Variants in CSMD1 observed in about 807,000 individuals in gnomAD.
CSMD1 encodes CUB and Sushi multiple domains 1, also known as CUB and sushi domain-containing protein 1.
A neutral mutation model predicts 417.5 loss-of-function variants in CSMD1; 213 were observed. The observed-to-expected ratio is 0.51, with a 90% CI of 0.46 to 0.57. CSMD1 has a LOEUF of 0.57. Ranked by LOEUF, CSMD1 falls within the 20% of genes least tolerant of loss-of-function variation. CSMD1 has a pLI of 0.00. For missense variants in CSMD1, 6,923 were observed against 4,529.7 expected (o/e 1.53, Z -15.17); for synonymous variants, 2,862 against 1,736.8 (o/e 1.65, Z -16.11).
intron 3 of CSMD1, among the ~76,000 whole-genome samples, chr8:4,378,450 C>T (rs996142663): frequency 2.0e-5 from 3 of 152,162 alleles, no homozygotes; most frequent in African/African-American, 7.2e-5. Context: ...AAAAATTATT[C>T]TCTGTCTAGC....
chr8:3,714,638 G>A (rs926934310), intron 6 of CSMD1, among the ~76,000 whole-genome samples: 1 of 150,154 alleles, frequency 6.7e-6, no homozygotes, highest in African/African-American at 2.5e-5. Context: ...TTGGGAGGCT[G>A]AGGAACTAGA....
At chr8:3,730,536 C>T (rs948669233) in intron 6 of CSMD1, among the ~76,000 whole-genome samples, 10 of 151,984 alleles carry the variant, frequency 6.6e-5, no homozygotes, top group African/African-American at 9.7e-5. Flanking sequence ...GGGATCACAG[C>T]GAGGAGAGGA....
chr8:3,249,262 C>A (rs966371285), intron 26 of CSMD1, among the ~76,000 whole-genome samples: 1 of 152,116 alleles, frequency 6.6e-6, no homozygotes, highest in African/African-American at 2.4e-5. Context: ...CACTCTGTTG[C>A]CCAGTCTGGA....
At chr8:4,785,867 A>G (rs1414754307) in intron 1 of CSMD1, among the ~76,000 whole-genome samples, 1 of 152,140 alleles carries the variant, frequency 6.6e-6, no homozygotes, top group Non-Finnish European at 1.5e-5. Flanking sequence ...TGATCCTAAG[A>G]CACAACGGGG....
At chr8:4,720,957 G>T (rs1676976) in intron 1 of CSMD1, among the ~76,000 whole-genome samples, 2 of 152,122 alleles carry the variant, frequency 1.3e-5, no homozygotes, top group East Asian at 1.9e-4. Flanking sequence ...TCTTAAGCTT[G>T]CCCTGCCTAC....
intron 3 of CSMD1, among the ~76,000 whole-genome samples, chr8:4,180,802 A>G (rs1700118): frequency 1 from 152,009 of 152,170 alleles, 75,924 homozygotes; most frequent in East Asian, 1. Flanking sequence ...TCTTTGGTAC[A>G]AGAGTTCACA....
rs181716927 is a variant in CSMD1 at position 4,146,363 on chromosome 8, C to A, written c.416-114264G>T. The stretch of plus-strand genomic sequence containing the variant: ...TTCATTCTGATAAGCTTCAGCCCAA[C>A]ATCGACTTGCAGAGCTGGCAATTCG... On this transcript the variant is annotated intron_variant, in intron 3 of 69. Transcript: ENST00000635120. Among the ~76,000 whole-genome samples the A allele has an allele frequency of 3.3e-3, 497 of 150,712 alleles. 9 individuals carry two copies. The highest frequency in any genetic ancestry group is 1.5e-3 in the Non-Finnish European group (104 of 68,028).
intron 5 of CSMD1, among the ~76,000 whole-genome samples, chr8:3,975,558 G>A (rs140598628): frequency 4.6e-5 from 7 of 152,232 alleles, no homozygotes; most frequent in East Asian, 1.9e-4. Context: ...TCGGGATGAC[G>A]GGCAGCGCTT....
At chr8:4,742,221 G>A (rs1399930671) in intron 1 of CSMD1, among the ~76,000 whole-genome samples, 3 of 150,380 alleles carry the variant, frequency 2.0e-5, no homozygotes, top group Non-Finnish European at 3.0e-5. Context: ...TAGTAGAGAC[G>A]GGGTTTCACC....
chr8:4,095,295 C>G (rs530420551), intron 3 of CSMD1, among the ~76,000 whole-genome samples: 44 of 152,070 alleles, frequency 2.9e-4, no homozygotes, highest in Non-Finnish European at 5.9e-4. Context: ...CCTTTAATAT[C>G]AATTCTGTTA....
intron 3 of CSMD1, among the ~76,000 whole-genome samples, chr8:4,149,710 C>T (rs1026336300): frequency 2.0e-5 from 3 of 152,170 alleles, no homozygotes; most frequent in African/African-American, 7.2e-5. Context: ...TGCTGAGCTC[C>T]AACAGAAACA....
At chr8:4,153,251 A>C (rs1283877463) in intron 3 of CSMD1, among the ~76,000 whole-genome samples, 1 of 152,184 alleles carries the variant, frequency 6.6e-6, no homozygotes, top group Non-Finnish European at 1.5e-5. Flanking sequence ...GCCAGAAATG[A>C]TACATACGGC....
intron 3 of CSMD1, among the ~76,000 whole-genome samples, chr8:4,059,504 G>A (rs2680618): frequency 1.3e-5 from 2 of 148,304 alleles, no homozygotes; most frequent in East Asian, 4.0e-4. Flanking sequence ...GAATCCAGGA[G>A]CTGGTTTTTT....
chr8:4,124,018 A>T (rs1184700200), intron 3 of CSMD1, among the ~76,000 whole-genome samples: 4 of 152,144 alleles, frequency 2.6e-5, no homozygotes, highest in Admixed American at 1.3e-4. Flanking sequence ...GGATTATCTA[A>T]CTTTTTTTTT....
At chr8:4,371,710 G>C (rs1802405888) in intron 3 of CSMD1, among the ~76,000 whole-genome samples, 1 of 152,058 alleles carries the variant, frequency 6.6e-6, no homozygotes, top group Admixed American at 6.6e-5. Context: ...TCATTACTTT[G>C]TATGTATGTA....
At chr8:3,956,259 A>G (rs1358764600) in intron 5 of CSMD1, among the ~76,000 whole-genome samples, 3 of 152,218 alleles carry the variant, frequency 2.0e-5, no homozygotes, top group Non-Finnish European at 4.4e-5. Flanking sequence ...AAATTAATAC[A>G]TTTGACTTTT....
At chr8:3,720,150 A>C (rs1010335819) in intron 6 of CSMD1, among the ~76,000 whole-genome samples, 1 of 152,184 alleles carries the variant, frequency 6.6e-6, no homozygotes, top group Non-Finnish European at 1.5e-5. Context: ...TTTCCCGTTA[A>C]ACTTCACCGC....
intron 1 of CSMD1, among the ~76,000 whole-genome samples, chr8:4,944,598 A>G (rs768010115): frequency 6.6e-6 from 1 of 152,234 alleles, no homozygotes; most frequent in African/African-American, 2.4e-5. Context: ...AATAAATTGA[A>G]ACATTAATTC....
chr8:3,737,515 C>A (rs1397083472), intron 6 of CSMD1, among the ~76,000 whole-genome samples: 1 of 152,182 alleles, frequency 6.6e-6, no homozygotes, highest in Admixed American at 6.5e-5. Context: ...ACATTTTTTA[C>A]TTACACTGTT....
Sources: allele counts gnomAD v4.1 joint callset (sites outside exome capture counted in the v4.1 genomes callset), GRCh38; gene constraint gnomAD v4.1.1; transcripts MANE v1.5; gene names NCBI Gene and HGNC (gene_info 2026-07-23, HGNC 2026-07-21).